ZNF385D: variants seen among roughly 807,000 people sequenced by gnomAD.
ZNF385D encodes zinc finger protein 385D, also known as zinc finger protein 659.
In ZNF385D, 15 loss-of-function variants were observed where a neutral mutation model predicts 35.8. The observed-to-expected ratio is 0.42, with a 90% CI of 0.28 to 0.64. The LOEUF is 0.64. Ranked by LOEUF, ZNF385D falls within the 30% of genes least tolerant of loss-of-function variation. ZNF385D has a pLI of 0.23. For missense variants in ZNF385D, 474 were observed against 494.6 expected (o/e 0.96, Z 0.39); for synonymous variants, 212 against 186.8 (o/e 1.13, Z -1.10).
At chr3:21,737,030 C>G (rs559807666) in intron 1 of ZNF385D, among the ~76,000 whole-genome samples, 2 of 152,242 alleles carry the variant, frequency 1.3e-5, no homozygotes, top group African/African-American at 2.4e-5. Flanking sequence ...ACCTCTGCCT[C>G]CTGGGTTCAA....
chr3:22,220,275 G>C (rs1401822867), intron 2 of ZNF385D, among the ~76,000 whole-genome samples: 2 of 151,946 alleles, frequency 1.3e-5, no homozygotes, highest in African/African-American at 2.4e-5. Flanking sequence ...ATGTTGCCCA[G>C]ACTGGTCTTG....
chr3:21,730,415 T>C (rs1366732824), intron 1 of ZNF385D, among the ~76,000 whole-genome samples: 1 of 152,210 alleles, frequency 6.6e-6, no homozygotes, highest in Non-Finnish European at 1.5e-5. Flanking sequence ...AAAGAATACA[T>C]TTATTATCCT....
chr3:22,314,714 A>G (rs1185539012), intron 2 of ZNF385D, among the ~76,000 whole-genome samples: 1 of 152,116 alleles, frequency 6.6e-6, no homozygotes, highest in African/African-American at 2.4e-5. Context: ...TATCATCCCC[A>G]TTGAGAATGC....
At chr3:21,932,224 G>A (rs1166085641) in intron 3 of ZNF385D, among the ~76,000 whole-genome samples, 1 of 137,768 alleles carries the variant, frequency 7.3e-6, no homozygotes, top group African/African-American at 2.6e-5. Context: ...AATATTAAGT[G>A]TAAGAAGCCC....
At chr3:21,881,936 G>A (rs968568554) in intron 3 of ZNF385D, among the ~76,000 whole-genome samples, 8 of 151,990 alleles carry the variant, frequency 5.3e-5, no homozygotes, top group African/African-American at 1.9e-4. Flanking sequence ...TAGAAGTGGA[G>A]CCTAAAGATG....
intron 2 of ZNF385D, among the ~76,000 whole-genome samples, chr3:22,330,430 G>A (rs1694881657): frequency 6.6e-6 from 1 of 152,056 alleles, no homozygotes; most frequent in African/African-American, 2.4e-5. Flanking sequence ...ATTTAGGTAG[G>A]AGTTGTTTAT....
intron 2 of ZNF385D, among the ~76,000 whole-genome samples, chr3:22,276,305 T>A (rs1701424139): frequency 6.6e-6 from 1 of 152,118 alleles, no homozygotes; most frequent in Non-Finnish European, 1.5e-5. Context: ...AGTCTGTCCT[T>A]TAATTTCCAC....
At chr3:22,104,628 C>T (rs1047087292) in intron 3 of ZNF385D, among the ~76,000 whole-genome samples, 3 of 151,438 alleles carry the variant, frequency 2.0e-5, no homozygotes, top group African/African-American at 4.9e-5. Context: ...AACATAAAAA[C>T]GACAACAGGC....
rs992005073 is a variant in ZNF385D, at chr3:22,247,037, T to G, written c.107-78002A>C. On this transcript the variant is annotated intron_variant, in intron 2 of 5. Transcript: ENST00000494108. ...CAAACAACTTCATTTATACACTAAC[T>G]CACACAGTTTTACTTATACACACAT... Among the ~76,000 whole-genome samples, 4 of 152,260 alleles carry G rather than the reference T, an allele frequency of 2.6e-5. No individual in the cohort carries two copies. The East Asian group carries it at 7.7e-4, about 29-fold the overall frequency.
chr3:21,696,498 C>T (rs572682696), intron 1 of ZNF385D, among the ~76,000 whole-genome samples: 38 of 152,244 alleles, frequency 2.5e-4, no homozygotes, highest in Middle Eastern at 3.4e-3. Context: ...TAGAAGCTGG[C>T]CCATATGAGT....
chr3:22,069,408 G>A (rs566162573), intron 3 of ZNF385D, among the ~76,000 whole-genome samples: 8 of 152,316 alleles, frequency 5.3e-5, no homozygotes, highest in African/African-American at 1.2e-4. Context: ...TGTTGGCCTC[G>A]GGGTGGGGAG....
intron 3 of ZNF385D, among the ~76,000 whole-genome samples, chr3:22,018,797 T>C (rs1386549407): frequency 2.6e-5 from 4 of 152,068 alleles, no homozygotes; most frequent in East Asian, 3.9e-4. Flanking sequence ...TACAAAGTCA[T>C]TTCACCTGTG....
intron 3 of ZNF385D, among the ~76,000 whole-genome samples, chr3:21,954,725 G>A (rs984894327): frequency 7.9e-5 from 12 of 152,020 alleles, no homozygotes; most frequent in African/African-American, 2.9e-4. Context: ...CTTACTAAGG[G>A]AATCCATGTT....
At chr3:21,914,287 C>T (rs1166919767) in intron 3 of ZNF385D, among the ~76,000 whole-genome samples, 2 of 151,698 alleles carry the variant, frequency 1.3e-5, no homozygotes, top group Non-Finnish European at 2.9e-5. Context: ...TTAGCTAAAT[C>T]ACATTGACTT....
chr3:21,843,266 A>G (rs944287151), intron 3 of ZNF385D, among the ~76,000 whole-genome samples: 6 of 151,966 alleles, frequency 3.9e-5, no homozygotes, highest in Non-Finnish European at 8.8e-5. Flanking sequence ...AGAAGCACTC[A>G]GGGGATTAAC....
At chr3:21,753,769 T>G (rs77261069), upstream of ZNF385D, among the ~76,000 whole-genome samples, 11,943 of 49,882 alleles carry the variant, frequency 0.24, 636 homozygotes, top group South Asian at 0.37. Flanking sequence ...CTTTGGTGGT[T>G]GTTGTTGTTG....
At chr3:21,912,834 C>G (rs1700025312) in intron 3 of ZNF385D, among the ~76,000 whole-genome samples, 1 of 151,992 alleles carries the variant, frequency 6.6e-6, no homozygotes, top group African/African-American at 2.4e-5. Flanking sequence ...CCCTTTATTT[C>G]TTGAACAGTT....
intron 2 of ZNF385D, among the ~76,000 whole-genome samples, chr3:22,256,633 CTGT>C (rs1700333686): frequency 6.6e-6 from 1 of 151,876 alleles, no homozygotes; most frequent in South Asian, 2.1e-4. Context: ...TTTGCTGCTG[CTGT>C]TGTTTGTATA....
chr3:22,365,638 G>A lies in ZNF385D; in HGVS notation c.106+6812C>T, dbSNP rs114548443. Reference sequence around the variant, plus strand: ...CCAAAATAAAGCAATTAAGACTTTGGGGAATTCAAAGGTACAAGAAAACAA... The same window carrying A: ...CCAAAATAAAGCAATTAAGACTTTGAGGAATTCAAAGGTACAAGAAAACAA... On this transcript the variant is annotated intron_variant, in intron 2 of 5. Transcript: ENST00000494108. Among the ~76,000 whole-genome samples, 461 of 152,046 alleles carry A rather than the reference G, an allele frequency of 3.0e-3. 1 individual carries two copies. Among genetic ancestry groups the A allele is most frequent in the African/African-American group, 0.01 (435 of 41,484 alleles).
Sources: gnomAD v4.1 joint callset for allele counts (sites outside exome capture counted in the v4.1 genomes callset) on GRCh38, gnomAD v4.1.1 for gene constraint, MANE v1.5 for transcripts, NCBI Gene and HGNC (gene_info 2026-07-23, HGNC 2026-07-21) for gene names.